ZFYVE9: variants seen among roughly 807,000 people sequenced by gnomAD.
ZFYVE9 encodes zinc finger FYVE domain-containing protein 9.
ZFYVE9 carries 43 observed loss-of-function variants against 126.7 expected under a neutral mutation model. The observed-to-expected ratio is 0.34, with a 90% CI of 0.27 to 0.44. The LOEUF (loss-of-function observed/expected upper bound fraction) is 0.44. Among genes scored for constraint, ZFYVE9 ranks in the 20% least tolerant of loss-of-function variants. ZFYVE9 has a pLI of 1.00. For synonymous variants in ZFYVE9, 521 were observed against 597.4 expected (o/e 0.87, Z 1.87); for missense variants, 1,476 against 1,697.0 (o/e 0.87, Z 2.29).
chr1:52,236,183 A>G (rs959961162), intron 3 of ZFYVE9, among the ~76,000 whole-genome samples: 10 of 152,148 alleles, frequency 6.6e-5, no homozygotes, highest in Non-Finnish European at 1.0e-4. Flanking sequence ...CTATCATTTA[A>G]TCTTCATGTT....
chr1:52,321,455 T>G lies in ZFYVE9; in HGVS notation c.3439-11313T>G, dbSNP rs546978253. ...TGTTCCATTGATTATTGGTATAGCT[T>G]TTCCTAGTTTATACATAAAAGACAG... On this transcript the variant is annotated intron_variant, in intron 13 of 18. Transcript: ENST00000287727. Among the ~76,000 whole-genome samples the G allele has an allele frequency of 3.9e-5, 6 of 152,300 alleles. No individual in the cohort carries two copies. In the South Asian group the frequency reaches 1.0e-3, roughly 26 times the overall value.
chr1:52,199,624 A>G (rs1644904827), intron 1 of ZFYVE9, among the ~76,000 whole-genome samples: 1 of 152,258 alleles, frequency 6.6e-6, no homozygotes, highest in Admixed American at 6.5e-5. Context: ...GCAATTATGA[A>G]TAAAGCTGCT....
chr1:52,142,507 G>C lies in ZFYVE9; in HGVS notation c.-143+104G>C, dbSNP rs1572051767. On this transcript the variant is annotated intron_variant, in intron 1 of 18. Coordinates refer to ENST00000287727, the MANE Select transcript of ZFYVE9 (RefSeq NM_004799.4). The surrounding 1 kb of genome is among the most constrained non-coding windows in gnomAD (Gnocchi z 4.5). ...GGCGGACGGGGCGTCCTGCCACTGC[G>C]GTCGCCTCCCCCACCCTGCGGTCCT... is the stretch of plus-strand genomic sequence containing the variant. The C allele has an allele frequency of 6.6e-6, 1 of 152,094 alleles. No homozygotes were observed. 9.4% of individuals were successfully genotyped at this position (152,094 alleles called of 1,614,324 possible).
intron 4 of ZFYVE9, among the ~76,000 whole-genome samples, chr1:52,241,335 G>C (rs1280840324): frequency 6.6e-6 from 1 of 152,164 alleles, no homozygotes; most frequent in African/African-American, 2.4e-5. Flanking sequence ...GTTGGTCTCT[G>C]ATTGCTAAAG....
At chr1:52,157,897 G>A (rs957160531) in intron 1 of ZFYVE9, among the ~76,000 whole-genome samples, 11 of 152,074 alleles carry the variant, frequency 7.2e-5, no homozygotes, top group South Asian at 2.1e-4. Flanking sequence ...TGATGCTGGT[G>A]CCTCTCTCCC....
Position 52,272,673 on chromosome 1 carries a change from C to CTTTTTT in ZFYVE9, c.2626-1776_2626-1771dup, listed in dbSNP as rs58857376. Among the ~76,000 whole-genome samples the CTTTTTT allele has an allele frequency of 4.6e-4, 56 of 121,256 alleles. 2 individuals are homozygous for CTTTTTT. The highest frequency in any genetic ancestry group is 1.8e-3 in the African/African-American group (53 of 29,594). 79.5% of individuals were successfully genotyped at this position (121,256 alleles called of 152,430 possible). On this transcript the variant is annotated intron_variant, in intron 7 of 18. Transcript: ENST00000287727. ...ATGAAATGAAGCTGCTAGAAATAATCTTTTTTTTTTTTTTTTTTTTGAGTC... is the reference window on the plus strand; with the variant it reads ...ATGAAATGAAGCTGCTAGAAATAATCTTTTTTTTTTTTTTTTTTTTTTTTTTGAGTC...
At position 52,278,617 on chromosome 1, in the gene ZFYVE9, A is replaced by G. The variant is rs914874372; in HGVS notation, c.2869+3A>G. 2.6e-6 allele frequency: 4 copies of G among 1,546,040 alleles called. No homozygotes were observed. In the Admixed American group the frequency reaches 5.7e-5, roughly 22 times the overall value. ...GTCAATGGTTAAAATTGTAAATTGTAAGTTATAAATTTTTAAAAATTAAAA... is the reference window on the plus strand; with the variant it reads ...GTCAATGGTTAAAATTGTAAATTGTGAGTTATAAATTTTTAAAAATTAAAA... On this transcript the variant is annotated splice_donor_region_variant and intron_variant, in intron 9 of 18. Transcript: ENST00000287727.
At chr1:52,266,405 T>TAAAAAAAAAAAAAA (rs33996604) in intron 5 of ZFYVE9, among the ~76,000 whole-genome samples, 6 of 85,640 alleles carry the variant, frequency 7.0e-5, no homozygotes, top group African/African-American at 2.4e-4. Context: ...TCTAATTCTT[T>TAAAAAAAAAAAAAA]AAAAAAAAAA....
chr1:52,169,585 C>G (rs1644545427), intron 1 of ZFYVE9, among the ~76,000 whole-genome samples: 1 of 152,118 alleles, frequency 6.6e-6, no homozygotes, highest in Non-Finnish European at 1.5e-5. Context: ...ATCTCCAGTG[C>G]TAATACTCAA....
Position 52,334,827 on chromosome 1 carries a change from A to C in ZFYVE9, c.3670+59A>C. On this transcript the variant is annotated intron_variant, in intron 15 of 18. Coordinates refer to ENST00000287727, the MANE Select transcript of ZFYVE9 (RefSeq NM_004799.4). The stretch of plus-strand genomic sequence containing the variant: ...GACTGAACTTATGTACATAAAGGGA[A>C]TCCTTTACACTTCTGCTGTAGATGT... The C allele has an allele frequency of 2.0e-6, 3 of 1,498,346 alleles. No homozygotes were observed. The South Asian group carries it at 3.4e-5, about 17-fold the overall frequency. The allele number at this position is 1,498,346 out of a possible 1,614,324, so 92.8% of individuals were successfully genotyped here. A position where few individuals can be genotyped will look rare whatever the true frequency, so the allele number is the denominator to read the frequency against.
At chr1:52,240,085 A>G (rs1045822110) in intron 4 of ZFYVE9, among the ~76,000 whole-genome samples, 1 of 152,200 alleles carries the variant, frequency 6.6e-6, no homozygotes, top group African/African-American at 2.4e-5. Flanking sequence ...AACATTCTGG[A>G]ACTCTTTATA....
At chr1:52,150,742 AGCCTGG>A (rs1391208989) in intron 1 of ZFYVE9, among the ~76,000 whole-genome samples, 2 of 151,842 alleles carry the variant, frequency 1.3e-5, no homozygotes, top group African/African-American at 4.8e-5. Context: ...ACTGCACGCC[AGCCTGG>A]GCAACAGGGG....
intron 10 of ZFYVE9, among the ~76,000 whole-genome samples, chr1:52,288,925 C>CA (rs775138803): frequency 0.18 from 10,841 of 61,340 alleles, 1,156 homozygotes; most frequent in African/African-American, 0.32. Context: ...GACTCTGTCT[C>CA]AAAAAAAAAA....
intron 1 of ZFYVE9, among the ~76,000 whole-genome samples, chr1:52,175,592 C>A (rs1431430670): frequency 1.3e-5 from 2 of 151,450 alleles, no homozygotes; most frequent in South Asian, 2.1e-4. Context: ...TAATATCCTG[C>A]AGAGTGTTTG....
intron 1 of ZFYVE9, among the ~76,000 whole-genome samples, chr1:52,191,238 T>G (rs1329632636): frequency 6.6e-6 from 1 of 152,164 alleles, no homozygotes; most frequent in Non-Finnish European, 1.5e-5. Flanking sequence ...CCATGCCCGG[T>G]CAATGAATAT....
intron 1 of ZFYVE9, among the ~76,000 whole-genome samples, chr1:52,147,560 CTTCAT>C (rs1049799430): frequency 6.6e-6 from 1 of 152,110 alleles, no homozygotes; most frequent in Non-Finnish European, 1.5e-5. Flanking sequence ...AGTGTCAGTA[CTTCAT>C]TTCTTTTTAT....
chr1:52,340,220 A>C lies in ZFYVE9; in HGVS notation c.3928A>C (p.Arg1310=). ...ATATAAAGCAAATGGAAAAGTAATC[A>C]GATGGACAGAGGTAAGGAAATGAAA... The part of the protein sequence containing the change: ...SEYKANGKVI[R]WTEVFFLEND... Residue 1310 remains arginine (R), a synonymous_variant, in exon 17 of 19, where the codon AGA becomes CGA. Coordinates refer to ENST00000287727, the MANE Select transcript of ZFYVE9 (RefSeq NM_004799.4). The C allele has an allele frequency of 6.2e-7, 1 of 1,613,422 alleles. No individual in the cohort carries two copies. Among genetic ancestry groups the C allele is most frequent in the South Asian group, 1.1e-5 (1 of 91,072 alleles).
intron 13 of ZFYVE9, among the ~76,000 whole-genome samples, chr1:52,319,485 G>A (rs1335189969): frequency 4.0e-5 from 6 of 151,672 alleles, no homozygotes; most frequent in African/African-American, 1.2e-4. Flanking sequence ...TTAGCTGGGC[G>A]TGGTGGCGCA....
chr1:52,190,631 T>C (rs1644807920), intron 1 of ZFYVE9, among the ~76,000 whole-genome samples: 1 of 152,210 alleles, frequency 6.6e-6, no homozygotes, highest in South Asian at 2.1e-4. Flanking sequence ...GAAGCACTTG[T>C]CTCTGAGAAG....
Sources: gnomAD v4.1 joint callset for allele counts (sites outside exome capture counted in the v4.1 genomes callset) on GRCh38, gnomAD v4.1.1 for gene constraint, Gnocchi (gnomAD v3.1) non-coding constraint, MANE v1.5 for transcripts, NCBI Gene and HGNC (gene_info 2026-07-23, HGNC 2026-07-21) for gene names.